The following FOXP1 variants were observed in gnomAD, a reference collection of about 807,000 sequenced individuals.
FOXP1 encodes forkhead box protein P1.
A neutral mutation model predicts 98.2 loss-of-function variants in FOXP1; 15 were observed. The ratio of observed to expected loss-of-function variants is 0.15; its 90% CI spans 0.10 to 0.24. FOXP1 has a LOEUF of 0.24. Ranked by LOEUF, FOXP1 falls within the 10% of genes least tolerant of loss-of-function variation. The probability of loss-of-function intolerance (pLI) is 1.00; values close to 1 mark genes in which losing one functional copy is unlikely to be tolerated. For synonymous variants in FOXP1, 371 were observed against 314.5 expected (o/e 1.18, Z -1.90); for missense variants, 633 against 848.5 (o/e 0.75, Z 3.15).
chr3:71,109,816 T>C lies in FOXP1; in HGVS notation c.282+2720A>G, dbSNP rs551621669. ...AATGTGCATGACCCTATCAGGCAGC[T>C]GAGGGGTCCTTCAGCAATCGTCTGT... On this transcript the variant is annotated intron_variant, in intron 7 of 20. Transcript: ENST00000649528. Among the ~76,000 whole-genome samples, 45 of 152,264 alleles carry C rather than the reference T, an allele frequency of 3.0e-4. 1 individual carries two copies. The South Asian group carries it at 9.1e-3, about 31-fold the overall frequency.
Position 71,131,871 on chromosome 3 carries a change from A to T in FOXP1, c.181-19234T>A, listed in dbSNP as rs117648303. ...AGTTCAAAAGGCAGATCATAGAAAC[A>T]GAAGACTAGGCTGGGGGAAAAAATG... On this transcript the variant is annotated intron_variant, in intron 6 of 20. Transcript: ENST00000649528. Among the ~76,000 whole-genome samples the T allele has an allele frequency of 4.8e-3, 735 of 152,354 alleles. 20 individuals carry two copies. The East Asian group carries it at 0.081, about 17-fold the overall frequency.
intron 2 of FOXP1, among the ~76,000 whole-genome samples, chr3:71,541,791 G>A (rs1046320596): frequency 6.6e-6 from 1 of 152,132 alleles, no homozygotes; most frequent in African/African-American, 2.4e-5. Context: ...ATACTGTACT[G>A]CAGAGATGCT....
At position 71,019,846 on chromosome 3, in the gene FOXP1, A is replaced by AC. The variant is rs1553696174; in HGVS notation, c.870-4194_870-4193insG. On this transcript the variant is annotated intron_variant, in intron 11 of 20. Coordinates refer to ENST00000649528, the MANE Select transcript of FOXP1 (RefSeq NM_001349338.3). Reference sequence around the variant, plus strand: ...AGCGAGACACGGTCCCCCCCCCAAAAAAAACAAAACAAAACAAAACAAAAC... The same window carrying AC: ...AGCGAGACACGGTCCCCCCCCCAAAACAAAACAAAACAAAACAAAACAAAAC... Among the ~76,000 whole-genome samples, 921 of 151,848 alleles carry AC rather than the reference A, an allele frequency of 6.1e-3. 10 individuals are homozygous for AC. The highest frequency in any genetic ancestry group is 0.021 in the African/African-American group (877 of 41,316).
At chr3:70,993,853 G>A (rs1271910751) in intron 13 of FOXP1, among the ~76,000 whole-genome samples, 2 of 151,982 alleles carry the variant, frequency 1.3e-5, no homozygotes, top group African/African-American at 2.4e-5. Flanking sequence ...AATTAGCAGG[G>A]CATGGTGGCA....
At chr3:71,256,590 G>T (rs902328816) in intron 5 of FOXP1, among the ~76,000 whole-genome samples, 2 of 152,022 alleles carry the variant, frequency 1.3e-5, no homozygotes, top group African/African-American at 4.8e-5. Flanking sequence ...CACCATGTTG[G>T]CCAGGATGGT....
intron 3 of FOXP1, among the ~76,000 whole-genome samples, chr3:71,397,090 A>ATATATATACATATATATGTG (rs1560425821): frequency 9.3e-5 from 9 of 96,580 alleles, no homozygotes; most frequent in African/African-American, 3.1e-4. Context: ...ATATGTGTAT[A>ATATATATACATATATATGTG]TATATATATA....
chr3:70,969,056 A>T (rs767294088), intron 19 of FOXP1: 2 of 152,208 alleles, frequency 1.3e-5, no homozygotes, highest in African/African-American at 4.8e-5. Context: ...ACAGTTCTGT[A>T]ATGACAAAGC....
chr3:71,093,626 C>T (rs2056141975), intron 7 of FOXP1, among the ~76,000 whole-genome samples: 1 of 151,216 alleles, frequency 6.6e-6, no homozygotes, highest in Admixed American at 6.6e-5. Context: ...CAATTCTCTA[C>T]TTCAGTACTA....
intron 5 of FOXP1, among the ~76,000 whole-genome samples, chr3:71,231,363 A>G (rs575178530): frequency 6.6e-6 from 1 of 152,346 alleles, no homozygotes; most frequent in Admixed American, 6.5e-5. Flanking sequence ...TACCTTATAA[A>G]TACAATGAAT....
intron 6 of FOXP1, among the ~76,000 whole-genome samples, chr3:71,149,510 G>A (rs2060472435): frequency 6.6e-6 from 1 of 152,244 alleles, no homozygotes; most frequent in African/African-American, 2.4e-5. Context: ...AAGGCCCAAT[G>A]AAATACGGCA....
At chr3:71,380,727 A>C (rs2080092330) in intron 3 of FOXP1, among the ~76,000 whole-genome samples, 1 of 137,244 alleles carries the variant, frequency 7.3e-6, no homozygotes, top group Admixed American at 7.7e-5. Flanking sequence ...TTTGCAAAAC[A>C]ATCTTATGGT....
chr3:71,038,380 A>C (rs1404307275), intron 11 of FOXP1, among the ~76,000 whole-genome samples: 1 of 152,156 alleles, frequency 6.6e-6, no homozygotes, highest in Non-Finnish European at 1.5e-5. Context: ...GAATGGAGGG[A>C]AAAGAATATT....
At chr3:71,401,263 A>G (rs2081942791) in intron 3 of FOXP1, among the ~76,000 whole-genome samples, 1 of 152,230 alleles carries the variant, frequency 6.6e-6, no homozygotes. Context: ...ACCAAGATAG[A>G]AAACAGGCAC....
At chr3:71,094,155 C>A (rs533879196) in intron 7 of FOXP1, among the ~76,000 whole-genome samples, 1 of 152,260 alleles carries the variant, frequency 6.6e-6, no homozygotes, top group African/African-American at 2.4e-5. Context: ...TCTGTCGCAC[C>A]CACTCATCTC....
intron 3 of FOXP1, among the ~76,000 whole-genome samples, chr3:71,364,602 T>C (rs772324745): frequency 2.3e-4 from 35 of 152,336 alleles, no homozygotes; most frequent in Admixed American, 6.5e-4. Flanking sequence ...TAAAACAGTT[T>C]TGTCTGCTGC....
At chr3:71,451,501 A>G (rs1004099675) in intron 3 of FOXP1, among the ~76,000 whole-genome samples, 1 of 152,116 alleles carries the variant, frequency 6.6e-6, no homozygotes, top group African/African-American at 2.4e-5. Flanking sequence ...GAATTTTCGT[A>G]TGTGTTTTAG....
rs891737936 is a variant in FOXP1 at position 71,454,338 on chromosome 3, C to T, written c.-168+39088G>A. On this transcript the variant is annotated intron_variant, in intron 3 of 20. Transcript: ENST00000649528. ...ACGAGGCACATCATCTGTATTTTCA[C>T]GTTTTGTGAAAATGCTCCTTAATGT... 4.6e-5 allele frequency among the ~76,000 whole-genome samples: 7 copies of T among 152,270 alleles called. No individual in the cohort carries two copies. The South Asian group carries it at 1.2e-3, about 27-fold the overall frequency.
intron 4 of FOXP1, among the ~76,000 whole-genome samples, chr3:71,307,958 T>C (rs1478650892): frequency 1.3e-5 from 2 of 152,184 alleles, no homozygotes; most frequent in East Asian, 3.8e-4. Context: ...AAGGGATCCA[T>C]GCATTGCGGC....
At chr3:70,971,596 A>G (rs2036259964) in intron 18 of FOXP1, 1 of 157,606 alleles carries the variant, frequency 6.3e-6, no homozygotes. Context: ...TGCTTGGAAC[A>G]TTTTAGTCAT....
Sources: gnomAD v4.1 joint callset for allele counts (sites outside exome capture counted in the v4.1 genomes callset) on GRCh38, gnomAD v4.1.1 for gene constraint, MANE v1.5 for transcripts, NCBI Gene and HGNC (gene_info 2026-07-23, HGNC 2026-07-21) for gene names.